PXDNL: variants seen among roughly 807,000 people sequenced by gnomAD.
The protein encoded by PXDNL is probable oxidoreductase PXDNL.
Under a neutral mutation model 150.8 loss-of-function variants are expected in PXDNL, and 145 were observed. That is an observed-to-expected ratio of 0.96 (90% CI 0.84 to 1.10). PXDNL has a LOEUF of 1.10. PXDNL is among the 50% of genes least tolerant of loss of function. The pLI, the probability that PXDNL is intolerant of heterozygous loss-of-function variation, is 0.00. For missense variants in PXDNL, 2,087 were observed against 1,873.9 expected (o/e 1.11, Z -2.10); for synonymous variants, 757 against 725.7 (o/e 1.04, Z -0.69).
intron 1 of PXDNL, among the ~76,000 whole-genome samples, chr8:51,773,665 A>G (rs1484218276): frequency 1.3e-5 from 2 of 152,238 alleles, no homozygotes; most frequent in Non-Finnish European, 2.9e-5. Context: ...AATGAAGTCA[A>G]ATTACTTTGC....
chr8:51,743,927 G>GGAAGGAAGGAAGGAAGGAAGGAAGGAAA (rs2036934692), intron 1 of PXDNL, among the ~76,000 whole-genome samples: 1 of 68,428 alleles, frequency 1.5e-5, no homozygotes, highest in Non-Finnish European at 3.6e-5. Flanking sequence ...AAGGAAGGAA[G>GGAAGGAAGGAAGGAAGGAAGGAAGGAAA]GAAGGAAGGA....
At chr8:51,341,844 T>TA (rs980769348) in intron 20 of PXDNL, among the ~76,000 whole-genome samples, 2 of 152,214 alleles carry the variant, frequency 1.3e-5, no homozygotes, top group African/African-American at 4.8e-5. Context: ...GTGAAGATTA[T>TA]ACAACGTTGG....
At chr8:51,800,720 A>C (rs2037609924) in intron 1 of PXDNL, among the ~76,000 whole-genome samples, 1 of 152,198 alleles carries the variant, frequency 6.6e-6, no homozygotes, top group Middle Eastern at 3.2e-3. Flanking sequence ...CTGAACATAA[A>C]TTGTGAAGAT....
At chr8:51,720,496 G>A (rs1816707299) in intron 1 of PXDNL, among the ~76,000 whole-genome samples, 2 of 152,048 alleles carry the variant, frequency 1.3e-5, no homozygotes, top group African/African-American at 4.8e-5. Flanking sequence ...GAATAAGTAT[G>A]TTCTTTTTTG....
At chr8:51,808,997 T>A (rs1249149929) in intron 1 of PXDNL, among the ~76,000 whole-genome samples, 184 bp downstream of exon 1, 3 of 152,190 alleles carry the variant, frequency 2.0e-5, no homozygotes, top group Non-Finnish European at 4.4e-5. Context: ...TGTCAACTCA[T>A]CATTGCTTAC....
At chr8:51,489,745 T>C (rs1361200690) in intron 5 of PXDNL, among the ~76,000 whole-genome samples, 2 of 152,232 alleles carry the variant, frequency 1.3e-5, no homozygotes, top group Non-Finnish European at 2.9e-5. Flanking sequence ...CTTCTTGAAC[T>C]TATAATTTTA....
chr8:51,392,863 T>C (rs1207109850), intron 17 of PXDNL, among the ~76,000 whole-genome samples: 1 of 152,174 alleles, frequency 6.6e-6, no homozygotes, highest in Non-Finnish European at 1.5e-5. Flanking sequence ...ATTGTGAGGT[T>C]AGGAGAAATT....
intron 12 of PXDNL, among the ~76,000 whole-genome samples, chr8:51,446,442 A>G (rs1303104660): frequency 6.6e-6 from 1 of 152,188 alleles, no homozygotes; most frequent in Non-Finnish European, 1.5e-5. Context: ...ACCATTTTTC[A>G]TTTTTATATT....
At chr8:51,751,732 T>C (rs1220129389) in intron 1 of PXDNL, among the ~76,000 whole-genome samples, 2 of 152,260 alleles carry the variant, frequency 1.3e-5, no homozygotes, top group Non-Finnish European at 2.9e-5. Context: ...TTAATACTTT[T>C]TCTTTCTGAC....
intron 1 of PXDNL, among the ~76,000 whole-genome samples, chr8:51,774,395 C>A (rs985661313): frequency 6.6e-6 from 1 of 152,152 alleles, no homozygotes; most frequent in Admixed American, 6.5e-5. Context: ...GAGAAGTATG[C>A]TCAGTGTTAC....
intron 22 of PXDNL, 39 bp downstream of exon 22, chr8:51,320,745 T>A (rs762563467): frequency 7.2e-7 from 1 of 1,390,126 alleles, no homozygotes; most frequent in Non-Finnish European, 9.8e-7. Context: ...TGGCTAGAAG[T>A]GAAATGGGGA....
chr8:51,767,880 A>G (rs1414154573), intron 1 of PXDNL, among the ~76,000 whole-genome samples: 4 of 152,248 alleles, frequency 2.6e-5, no homozygotes, highest in Non-Finnish European at 5.9e-5. Flanking sequence ...AACACGTTAC[A>G]GAGATAATTA....
chr8:51,802,237 GGTGTTT>G (rs2037628874), intron 1 of PXDNL, among the ~76,000 whole-genome samples: 1 of 151,144 alleles, frequency 6.6e-6, no homozygotes, highest in East Asian at 1.9e-4. Context: ...AATGTTTCTT[GGTGTTT>G]TTACTACTCC....
chr8:51,520,185 C>G (rs1252652249), intron 4 of PXDNL, among the ~76,000 whole-genome samples: 1 of 152,168 alleles, frequency 6.6e-6, no homozygotes, highest in Non-Finnish European at 1.5e-5. Context: ...TGCCCAGGCC[C>G]TGCTCCCTCA....
At chr8:51,449,193 G>A in intron 10 of PXDNL, 75 bp from the exon 11 acceptor site, 1 of 763,808 alleles carries the variant, frequency 1.3e-6, no homozygotes. Flanking sequence ...AAAAGAAAAT[G>A]TCTTCAAATA....
At chr8:51,800,318 A>G (rs1332774565) in intron 1 of PXDNL, among the ~76,000 whole-genome samples, 1 of 152,198 alleles carries the variant, frequency 6.6e-6, no homozygotes, top group African/African-American at 2.4e-5. Flanking sequence ...TATATTGTCT[A>G]TCTTCTCTGT....
intron 11 of PXDNL, 63 bp from the exon 12 acceptor site, chr8:51,447,225 G>C: frequency 3.9e-6 from 6 of 1,551,256 alleles, no homozygotes; most frequent in Middle Eastern, 2.0e-4. Flanking sequence ...AGAGCTGCTG[G>C]CTGTCCTGGC....
intron 9 of PXDNL, 137 bp downstream of exon 9, chr8:51,457,361 G>T (rs1809959168): frequency 1.4e-6 from 1 of 715,414 alleles, no homozygotes; most frequent in East Asian, 3.0e-5. Flanking sequence ...AAAAATTCAA[G>T]TTTCTCTAAA....
chr8:51,788,287 C>T (rs2037478867), intron 1 of PXDNL, among the ~76,000 whole-genome samples: 1 of 152,184 alleles, frequency 6.6e-6, no homozygotes, highest in Admixed American at 6.5e-5. Flanking sequence ...AGATATTCCT[C>T]CTCTGGAGCT....
Sources: allele counts gnomAD v4.1 joint callset (sites outside exome capture counted in the v4.1 genomes callset), GRCh38; gene constraint gnomAD v4.1.1; transcripts MANE v1.5; gene names NCBI Gene and HGNC (gene_info 2026-07-23, HGNC 2026-07-21).